Variants in LRRC7 observed in about 807,000 individuals in gnomAD.
LRRC7 encodes leucine-rich repeat-containing protein 7.
LRRC7 carries 23 observed loss-of-function variants against 175.7 expected under a neutral mutation model. That is an observed-to-expected ratio of 0.13 (90% CI 0.09 to 0.19). The LOEUF (loss-of-function observed/expected upper bound fraction) is 0.19, where lower values mean the gene tolerates loss of function less well. LRRC7 is among the 10% of genes least tolerant of loss of function. LRRC7 has a pLI of 1.00. For missense variants in LRRC7, 1,354 were observed against 1,904.7 expected, an observed-to-expected ratio of 0.71 and a Z score of 5.38; for synonymous variants, 685 against 680.9, an observed-to-expected ratio of 1.01 and a Z score of -0.09.
chr1:69,864,146 G>A (rs1344119113), intron 7 of LRRC7, among the ~76,000 whole-genome samples: 3 of 151,926 alleles, frequency 2.0e-5, no homozygotes, highest in Non-Finnish European at 4.4e-5. Flanking sequence ...TCCCTCTTAT[G>A]TGCTCTCTTA....
intron 1 of LRRC7, among the ~76,000 whole-genome samples, chr1:69,572,430 T>A (rs1268751147): frequency 6.6e-6 from 1 of 152,146 alleles, no homozygotes; most frequent in Non-Finnish European, 1.5e-5. Context: ...GCTTCACATA[T>A]GTTTTAAAAA....
chr1:70,098,746 A>C (rs1379972372), intron 25 of LRRC7, among the ~76,000 whole-genome samples: 1 of 151,616 alleles, frequency 6.6e-6, no homozygotes, highest in African/African-American at 2.4e-5. Flanking sequence ...TCCTTGACAC[A>C]TACACTCTCC....
chr1:69,574,254 CATT>C (rs1331361677), intron 1 of LRRC7, among the ~76,000 whole-genome samples: 1 of 151,986 alleles, frequency 6.6e-6, no homozygotes, highest in Non-Finnish European at 1.5e-5. Flanking sequence ...TAAATACTAT[CATT>C]ATCATCATGA....
At chr1:69,684,719 G>A (rs1400375604) in intron 2 of LRRC7, among the ~76,000 whole-genome samples, 1 of 151,938 alleles carries the variant, frequency 6.6e-6, no homozygotes, top group African/African-American at 2.4e-5. Context: ...TTGCAATCTG[G>A]TACTGTCAAC....
chr1:69,630,306 AATATT>A (rs1358558470), intron 1 of LRRC7, among the ~76,000 whole-genome samples: 1 of 152,164 alleles, frequency 6.6e-6, no homozygotes, highest in Non-Finnish European at 1.5e-5. Context: ...GACAGTTTTC[AATATT>A]GTGCTATTTC....
chr1:69,874,495 G>T (rs1006309357), intron 7 of LRRC7: 1 of 152,090 alleles, frequency 6.6e-6, no homozygotes, highest in African/African-American at 2.4e-5. Context: ...TACAATGATT[G>T]TGTTGGAGCT....
intron 4 of LRRC7, among the ~76,000 whole-genome samples, chr1:69,796,364 C>T (rs900347112): frequency 6.6e-6 from 1 of 151,920 alleles, no homozygotes; most frequent in Non-Finnish European, 1.5e-5. Flanking sequence ...ATTGTAATTT[C>T]CAAATGCATC....
At chr1:70,055,402 A>G (rs957072366) in intron 23 of LRRC7, among the ~76,000 whole-genome samples, 3 of 152,206 alleles carry the variant, frequency 2.0e-5, no homozygotes, top group Non-Finnish European at 4.4e-5. Flanking sequence ...GTGAGGAGAA[A>G]GACTGGACGC....
chr1:69,581,076 T>TGGCAGGTTATGAGGCAGACA (rs1553119973), intron 1 of LRRC7, among the ~76,000 whole-genome samples: 5 of 152,162 alleles, frequency 3.3e-5, no homozygotes, highest in African/African-American at 1.2e-4. Context: ...ACAGGGAGAC[T>TGGCAGGTTATGAGGCAGACA]GGCACGTTAT....
chr1:69,685,023 T>C (rs1660959805), intron 2 of LRRC7, among the ~76,000 whole-genome samples: 1 of 152,200 alleles, frequency 6.6e-6, no homozygotes, highest in Non-Finnish European at 1.5e-5. Context: ...CAGTGGCTTC[T>C]GTGCCTTCCC....
At chr1:70,033,467 C>A (rs1404147117) in intron 18 of LRRC7, among the ~76,000 whole-genome samples, 2 of 152,162 alleles carry the variant, frequency 1.3e-5, no homozygotes, top group African/African-American at 2.4e-5. Flanking sequence ...TCATCATCAT[C>A]ATCATCACTT....
intron 2 of LRRC7, among the ~76,000 whole-genome samples, chr1:69,707,404 G>T (rs1012903136): frequency 1.3e-5 from 2 of 152,042 alleles, no homozygotes; most frequent in African/African-American, 4.8e-5. Context: ...GCATCTGCCC[G>T]CAGAATAGAG....
chr1:69,930,396 G>A (rs1347553916), intron 7 of LRRC7, among the ~76,000 whole-genome samples: 1 of 152,104 alleles, frequency 6.6e-6, no homozygotes, highest in African/African-American at 2.4e-5. Context: ...TTTTAAATGT[G>A]ATAAAACTAA....
intron 7 of LRRC7, among the ~76,000 whole-genome samples, chr1:69,859,044 T>C (rs889444444): frequency 5.3e-5 from 8 of 152,092 alleles, no homozygotes; most frequent in Admixed American, 2.6e-4. Context: ...TAAATTTCAC[T>C]CTTAACCCCA....
intron 3 of LRRC7, among the ~76,000 whole-genome samples, chr1:69,790,245 T>A (rs1266535732): frequency 6.6e-6 from 1 of 151,984 alleles, no homozygotes; most frequent in African/African-American, 2.4e-5. Flanking sequence ...AGCTAGTAAA[T>A]AGATGGGTGA....
chr1:69,626,713 C>CA (rs1341295318), intron 1 of LRRC7, among the ~76,000 whole-genome samples: 2 of 113,564 alleles, frequency 1.8e-5, no homozygotes, highest in Non-Finnish European at 3.4e-5. Flanking sequence ...ATCCCTCCCC[C>CA]CTCCCCTCTC....
At chr1:69,916,904 A>G (rs1646736270) in intron 7 of LRRC7, among the ~76,000 whole-genome samples, 1 of 152,172 alleles carries the variant, frequency 6.6e-6, no homozygotes, top group Non-Finnish European at 1.5e-5. Context: ...AATGAAGGCA[A>G]GAAGGATAGT....
At position 70,109,321 on chromosome 1, in the gene LRRC7, C is replaced by A. The variant is rs573166348; in HGVS notation, c.4620+1495C>A. The stretch of plus-strand genomic sequence containing the variant: ...ACAGACATGAGCCACTGCGCCCGGC[C>A]TCTCCGAAATATTTTAAACTAATTA... On this transcript the variant is annotated intron_variant, in intron 26 of 26. Coordinates refer to ENST00000651989, the MANE Select transcript of LRRC7 (RefSeq NM_001370785.2). Among the ~76,000 whole-genome samples, 138 of 152,302 alleles carry A rather than the reference C, an allele frequency of 9.1e-4. 1 individual carries two copies. The highest frequency in any genetic ancestry group is 3.2e-3 in the African/African-American group (132 of 41,556).
rs116779214 is a variant in LRRC7, at chr1:70,110,411, G to T, written c.4620+2585G>T. ...ATAAAAAATAAAAATAAAGACATTA[G>T]TGTCTACTTGCAAGGTATTAGAATG... is the stretch of plus-strand genomic sequence containing the variant. On this transcript the variant is annotated intron_variant, in intron 26 of 26. Transcript: ENST00000651989. Among the ~76,000 whole-genome samples the T allele has an allele frequency of 3.3e-3, 508 of 152,100 alleles. 7 individuals are homozygous for T. Among genetic ancestry groups the T allele is most frequent in the African/African-American group, 0.012 (489 of 41,512 alleles).
Sources: gnomAD v4.1 joint callset for allele counts (sites outside exome capture counted in the v4.1 genomes callset) on GRCh38, gnomAD v4.1.1 for gene constraint, MANE v1.5 for transcripts, NCBI Gene and HGNC (gene_info 2026-07-23, HGNC 2026-07-21) for gene names.